The following NSUN2 variants were observed in gnomAD, a reference collection of about 807,000 sequenced individuals.
NSUN2 encodes NOP2/Sun RNA methyltransferase 2.
Under a neutral mutation model 92.7 loss-of-function variants are expected in NSUN2, and 63 were observed. That is an observed-to-expected ratio of 0.68 (90% CI 0.56 to 0.84). The LOEUF is 0.84. Ranked by LOEUF, NSUN2 falls within the 40% of genes least tolerant of loss-of-function variation. NSUN2 has a pLI of 0.00. For missense variants in NSUN2, 989 were observed against 964.9 expected (o/e 1.02, Z -0.33); for synonymous variants, 356 against 348.3 (o/e 1.02, Z -0.25).
chr5:6,625,691 C>T lies in NSUN2; in HGVS notation c.360-22G>A, dbSNP rs747679971. 27 of 1,541,846 alleles carry T rather than the reference C, an allele frequency of 1.8e-5. No individual in the cohort carries two copies. The Admixed American group carries it at 4.5e-4, about 26-fold the overall frequency. ...ATACCTGACCAAAAAGAAAGCAAAA[C>T]ATTTATGGATTATAAATACTAAAGT... On this transcript the variant is annotated intron_variant, in intron 3 of 18. Transcript: ENST00000264670.
At chr5:6,623,318 G>GTAA in intron 4 of NSUN2, 33 bp from the exon 5 acceptor site, 4 of 1,385,794 alleles carry the variant, frequency 2.9e-6, no homozygotes, top group Admixed American at 2.9e-5. Context: ...GCAACAATTA[G>GTAA]GAAAAAAAAA....
intron 5 of NSUN2, among the ~76,000 whole-genome samples, chr5:6,622,671 A>G (rs920737994): frequency 3.3e-5 from 5 of 152,070 alleles, no homozygotes; most frequent in Non-Finnish European, 5.9e-5. Context: ...AACATGGAGA[A>G]ACCCCGTCTC....
rs1039141135 is a variant in NSUN2, at chr5:6,622,046, G to C, written c.592C>G (p.Leu198Val). 1.2e-5 allele frequency: 20 copies of C among 1,613,974 alleles called. No homozygotes were observed. The African/African-American group carries it at 2.5e-4, about 20-fold the overall frequency. Reference sequence around the variant, plus strand: ...AAGGGGACATTCATGTCGGCATGTAGCATTTCAATTAACTGTGTGGTCTTT... The same window carrying C: ...AAGGGGACATTCATGTCGGCATGTACCATTTCAATTAACTGTGTGGTCTTT... The part of the protein sequence containing the change: ...GSKTTQLIEM[L>V]HADMNVPFPE... The change falls in exon 6 of 19, where the codon CTA (leucine) becomes GTA (valine). Residue 198 changes from leucine (L) to valine (V), a missense_variant. Physicochemically the swap from Leu to Val is conservative, Grantham distance 32 (BLOSUM62 1). Transcript: ENST00000264670.
At chr5:6,622,737 C>T (rs1229962234) in intron 5 of NSUN2, among the ~76,000 whole-genome samples, 15 of 151,452 alleles carry the variant, frequency 9.9e-5, no homozygotes, top group Admixed American at 9.9e-4. Context: ...ATCCCGGCTA[C>T]TTGGGAGACT....
chr5:6,604,553 A>C, intron 16 of NSUN2, 52 bp downstream of exon 16: 1 of 1,520,968 alleles, frequency 6.6e-7, no homozygotes, highest in South Asian at 1.1e-5. Flanking sequence ...TCTACTCCCG[A>C]CTGCTTCAGT....
chr5:6,617,220 A>G (rs1374439743), intron 8 of NSUN2, among the ~76,000 whole-genome samples: 2 of 152,196 alleles, frequency 1.3e-5, no homozygotes, highest in African/African-American at 4.8e-5. Flanking sequence ...CATACATTCC[A>G]GTCCTAACTC....
intron 6 of NSUN2, 66 bp from the exon 7 acceptor site, chr5:6,620,364 C>A: frequency 8.0e-7 from 1 of 1,256,424 alleles, no homozygotes; most frequent in South Asian, 1.7e-5. Context: ...CTGAAATATG[C>A]GACCTCCAAA....
chr5:6,606,671 C>A, intron 14 of NSUN2, 149 bp downstream of exon 14: 1 of 466,352 alleles, frequency 2.1e-6, no homozygotes, highest in Non-Finnish European at 3.8e-6. Flanking sequence ...AAGTTTCATC[C>A]TGCTCTAATA....
At position 6,606,920 on chromosome 5, in the gene NSUN2, G is replaced by T; in HGVS notation, c.1509-8C>A. ...TTCTTTGATGGAGGAGGACTAAAAA[G>T]GGAATCAGGATGAGACAAATCAATC... On this transcript the variant is annotated splice_region_variant and splice_polypyrimidine_tract_variant and intron_variant, in intron 13 of 18. Transcript: ENST00000264670. 6.7e-7 allele frequency: 1 copy of T among 1,502,266 alleles called. No homozygotes were observed. The highest frequency in any genetic ancestry group is 9.2e-7 in the Non-Finnish European group (1 of 1,081,670). 93.1% of individuals were successfully genotyped at this position (1,502,266 alleles called of 1,614,324 possible). A position where few individuals can be genotyped will look rare whatever the true frequency, so the allele number is the denominator to read the frequency against.
chr5:6,609,251 A>C (rs1391664574), intron 12 of NSUN2, among the ~76,000 whole-genome samples: 1 of 152,242 alleles, frequency 6.6e-6, no homozygotes, highest in Admixed American at 6.5e-5. Context: ...CAGGTGAGAC[A>C]GCACGCATTA....
At chr5:6,615,634 C>A (rs569259454) in intron 9 of NSUN2, among the ~76,000 whole-genome samples, 1 of 152,290 alleles carries the variant, frequency 6.6e-6, no homozygotes, top group East Asian at 1.9e-4. Flanking sequence ...AACCGCAGGG[C>A]TGAGGGCACA....
chr5:6,612,291 C>T (rs1737029973), intron 9 of NSUN2, among the ~76,000 whole-genome samples: 2 of 152,190 alleles, frequency 1.3e-5, no homozygotes, highest in African/African-American at 4.8e-5. Flanking sequence ...CAGGGCGATG[C>T]TGCAGGTCTT....
Position 6,618,033 on chromosome 5 carries a change from AAGATAT to A in NSUN2, c.816-15_816-10del, listed in dbSNP as rs1463027837. On this transcript the variant is annotated splice_polypyrimidine_tract_variant and intron_variant, in intron 7 of 18. Transcript: ENST00000264670. ...TCATAGTGCCGTCTCCACTGGAAAAAAGATATTTATGAGTGCAAAGCTCCCTACAGG... is the reference window on the plus strand; with the variant it reads ...TCATAGTGCCGTCTCCACTGGAAAAATTATGAGTGCAAAGCTCCCTACAGG... The A allele has an allele frequency of 6.2e-7, 1 of 1,610,070 alleles. No individual in the cohort carries two copies. The highest frequency in any genetic ancestry group is 1.3e-5 in the African/African-American group (1 of 74,838).
intron 7 of NSUN2, among the ~76,000 whole-genome samples, chr5:6,619,759 T>G (rs569066531): frequency 6.6e-6 from 1 of 152,246 alleles, no homozygotes; most frequent in East Asian, 1.9e-4. Context: ...TACAAAATAG[T>G]TGGGGTGCAC....
intron 9 of NSUN2, 60 bp from the exon 10 acceptor site, chr5:6,611,858 C>A: frequency 1.4e-6 from 2 of 1,419,410 alleles, no homozygotes; most frequent in South Asian, 1.2e-5. Flanking sequence ...ACACTATGCT[C>A]AGTGAAAAAA....
chr5:6,606,450 A>C (rs1219363920), intron 14 of NSUN2, among the ~76,000 whole-genome samples: 16 of 151,720 alleles, frequency 1.1e-4, no homozygotes, highest in Admixed American at 1.1e-3. Flanking sequence ...CGCCCGGCTA[A>C]TTTTTTTTGT....
intron 18 of NSUN2, 56 bp downstream of exon 18, chr5:6,602,405 C>T: frequency 6.5e-7 from 1 of 1,543,990 alleles, no homozygotes; most frequent in South Asian, 1.1e-5. Context: ...CCAACGAGAA[C>T]ACTGTAGCTA....
rs554491798 is a variant in NSUN2 at position 6,600,313 on chromosome 5, A to G, written c.1998-81T>C. ...ATGAGATGTAATATGCAACTGCTTA[A>G]AAAAGAAAACCACAGAAAACCCATA... On this transcript the variant is annotated intron_variant, in intron 18 of 18. Coordinates refer to ENST00000264670, the MANE Select transcript of NSUN2 (RefSeq NM_017755.6). The G allele has an allele frequency of 1.1e-4, 147 of 1,331,284 alleles. No individual in the cohort carries two copies. The African/African-American group carries it at 2.1e-3, about 19-fold the overall frequency. The allele number at this position is 1,331,284 out of a possible 1,614,324, so 82.5% of individuals were successfully genotyped here. A position where few individuals can be genotyped will look rare whatever the true frequency, so the allele number is the denominator to read the frequency against.
chr5:6,618,178 C>A (rs1482449612), intron 7 of NSUN2, among the ~76,000 whole-genome samples, 154 bp from the exon 8 acceptor site: 5 of 152,192 alleles, frequency 3.3e-5, no homozygotes, highest in Non-Finnish European at 7.3e-5. Context: ...CTGCTTTCAG[C>A]TTTTGTTTTA....
Sources: gnomAD v4.1 joint callset for allele counts (sites outside exome capture counted in the v4.1 genomes callset) on GRCh38, gnomAD v4.1.1 for gene constraint, MANE v1.5 for transcripts, NCBI Gene and HGNC (gene_info 2026-07-23, HGNC 2026-07-21) for gene names.